The following ZMYND8 variants were observed in gnomAD, a reference collection of about 807,000 sequenced individuals.
The protein encoded by ZMYND8 is MYND-type zinc finger-containing chromatin reader ZMYND8.
A neutral mutation model predicts 140.8 loss-of-function variants in ZMYND8; 37 were observed. The observed-to-expected ratio is 0.26, with a 90% CI of 0.20 to 0.35. ZMYND8 has a LOEUF of 0.35. ZMYND8 is among the 10% of genes least tolerant of loss of function. The pLI is 1.00. For synonymous variants in ZMYND8, 592 were observed against 597.1 expected (o/e 0.99, Z 0.12); for missense variants, 1,068 against 1,570.0 (o/e 0.68, Z 5.40).
chr20:47,214,868 G>A (rs1264002442), intron 21 of ZMYND8, among the ~76,000 whole-genome samples: 3 of 152,052 alleles, frequency 2.0e-5, no homozygotes, highest in African/African-American at 7.2e-5. Flanking sequence ...TGGAGAGGAG[G>A]CCCTTTCTGA....
At chr20:47,350,345 A>AAAC in intron 1 of ZMYND8, among the ~76,000 whole-genome samples, 1 of 146,814 alleles carries the variant, frequency 6.8e-6, no homozygotes, top group African/African-American at 2.6e-5. Flanking sequence ...AAAAAAAAAA[A>AAAC]AAAAAAACTT....
At position 47,224,970 on chromosome 20, in the gene ZMYND8, G is replaced by T. The variant is rs143259175; in HGVS notation, c.3017-414C>A. On this transcript the variant is annotated intron_variant, in intron 18 of 22. Coordinates refer to ENST00000471951, the MANE Select transcript of ZMYND8 (RefSeq NM_001281775.3). Reference sequence around the variant, plus strand: ...CCACTACATGAAGGCACTGTTCTAAGAACTTTATAAATATTAACTCATATA... The same window carrying T: ...CCACTACATGAAGGCACTGTTCTAATAACTTTATAAATATTAACTCATATA... 4.0e-3 allele frequency among the ~76,000 whole-genome samples: 605 copies of T among 152,258 alleles called. 9 individuals are homozygous for T. Among genetic ancestry groups the T allele is most frequent in the African/African-American group, 0.014 (585 of 41,530 alleles).
intron 15 of ZMYND8, 75 bp downstream of exon 15, chr20:47,238,683 G>T: frequency 1.3e-6 from 2 of 1,541,420 alleles, no homozygotes; most frequent in South Asian, 1.2e-5. Flanking sequence ...AAAAATAAAA[G>T]AGCAATGACT....
intron 18 of ZMYND8, among the ~76,000 whole-genome samples, chr20:47,226,881 T>A (rs907678560): frequency 7.2e-5 from 11 of 152,172 alleles, no homozygotes; most frequent in African/African-American, 2.4e-4. Flanking sequence ...AGGCTGGTCT[T>A]GAACTCCTGG....
At chr20:47,327,860 C>T (rs868501739) in intron 2 of ZMYND8, among the ~76,000 whole-genome samples, 1 of 152,158 alleles carries the variant, frequency 6.6e-6, no homozygotes, top group Non-Finnish European at 1.5e-5. Flanking sequence ...CGTCGCCCAG[C>T]CTGGAGTGCA....
intron 12 of ZMYND8, among the ~76,000 whole-genome samples, chr20:47,260,706 A>G (rs1431013660): frequency 6.6e-6 from 1 of 152,160 alleles, no homozygotes; most frequent in African/African-American, 2.4e-5. Context: ...CCAGACATCC[A>G]TCATGGTGTG....
chr20:47,287,046 T>A (rs1442547393), intron 8 of ZMYND8, among the ~76,000 whole-genome samples, 183 bp downstream of exon 8: 10 of 152,122 alleles, frequency 6.6e-5, no homozygotes, highest in African/African-American at 2.4e-4. Context: ...ACAGTAAGGG[T>A]GTTTTATAAT....
chr20:47,352,062 G>A (rs1317752690), intron 1 of ZMYND8: 1 of 948,214 alleles, frequency 1.1e-6, no homozygotes, highest in Non-Finnish European at 1.3e-6. Context: ...CTCAAATTAG[G>A]TGGGTAGAAG....
chr20:47,310,645 G>C (rs1601809141), intron 2 of ZMYND8, among the ~76,000 whole-genome samples: 1 of 152,108 alleles, frequency 6.6e-6, no homozygotes, highest in Middle Eastern at 3.4e-3. Context: ...AATTAGCCTG[G>C]TGTGGTGGCA....
chr20:47,346,505 G>A (rs887210014), intron 2 of ZMYND8, among the ~76,000 whole-genome samples: 2 of 152,094 alleles, frequency 1.3e-5, no homozygotes, highest in Admixed American at 6.5e-5. Context: ...CCCACCCAGG[G>A]TGCCTCCCCT....
At chr20:47,273,003 G>C (rs1321301037) in intron 11 of ZMYND8, among the ~76,000 whole-genome samples, 1 of 152,186 alleles carries the variant, frequency 6.6e-6, no homozygotes, top group East Asian at 1.9e-4. Flanking sequence ...AGGGTGCAGA[G>C]AAAGGAAACA....
At position 47,268,026 on chromosome 20, in the gene ZMYND8, G is replaced by A. The variant is rs545294804; in HGVS notation, c.1481-5598C>T. Among the ~76,000 whole-genome samples the A allele has an allele frequency of 3.3e-5, 5 of 152,262 alleles. No individual in the cohort carries two copies. In the South Asian group the frequency reaches 8.3e-4, roughly 25 times the overall value. On this transcript the variant is annotated intron_variant, in intron 11 of 22. Transcript: ENST00000471951. Reference sequence around the variant, plus strand: ...TTGGCCCTGAAAGAGCAGGATCTGCGCTGGCCAGCAGGCATCCAGGATACC... The same window carrying A: ...TTGGCCCTGAAAGAGCAGGATCTGCACTGGCCAGCAGGCATCCAGGATACC...
chr20:47,318,065 G>A (rs1046390626), intron 2 of ZMYND8, among the ~76,000 whole-genome samples: 7 of 150,212 alleles, frequency 4.7e-5, no homozygotes, highest in East Asian at 1.9e-4. Context: ...CCCGACTACC[G>A]CCCCCCACTC....
chr20:47,212,586 C>G, intron 22 of ZMYND8, 56 bp downstream of exon 22: 2 of 1,581,964 alleles, frequency 1.3e-6, no homozygotes, highest in Non-Finnish European at 1.7e-6. Context: ...CAGAACAAGC[C>G]TTCTGCATAC....
intron 1 of ZMYND8, chr20:47,356,408 A>G: frequency 6.5e-7 from 1 of 1,535,010 alleles, no homozygotes; most frequent in Non-Finnish European, 8.7e-7. Flanking sequence ...TCTTCCAGAA[A>G]CACCATGCCC....
At chr20:47,296,834 T>C (rs538612850) in intron 4 of ZMYND8, among the ~76,000 whole-genome samples, 23 of 152,186 alleles carry the variant, frequency 1.5e-4, no homozygotes, top group African/African-American at 5.5e-4. Flanking sequence ...TGTGTACCTG[T>C]GGTCCCAGGT....
At chr20:47,329,639 G>C (rs2080766302) in intron 2 of ZMYND8, among the ~76,000 whole-genome samples, 1 of 152,030 alleles carries the variant, frequency 6.6e-6, no homozygotes, top group African/African-American at 2.4e-5. Flanking sequence ...CCCAACCTCA[G>C]GTGATCCACC....
chr20:47,281,988 G>T, intron 10 of ZMYND8, 114 bp downstream of exon 10: 3 of 861,152 alleles, frequency 3.5e-6, no homozygotes, highest in Non-Finnish European at 5.4e-6. Context: ...ATCAATGGTT[G>T]GTATCATGAC....
chr20:47,258,712 C>T (rs1240130876), intron 12 of ZMYND8, among the ~76,000 whole-genome samples: 3 of 152,226 alleles, frequency 2.0e-5, no homozygotes, highest in South Asian at 4.1e-4. Context: ...TGGGGAAAGT[C>T]GTTCCACGGC....
Sources: allele counts gnomAD v4.1 joint callset (sites outside exome capture counted in the v4.1 genomes callset), GRCh38; gene constraint gnomAD v4.1.1; transcripts MANE v1.5; gene names NCBI Gene and HGNC (gene_info 2026-07-23, HGNC 2026-07-21).